FOXP4: variants seen among roughly 807,000 people sequenced by gnomAD.
FOXP4 encodes forkhead box P4.
In FOXP4, 25 loss-of-function variants were observed where a neutral mutation model predicts 82.6. That is an observed-to-expected ratio of 0.30 (90% CI 0.22 to 0.42). FOXP4 has a LOEUF of 0.42. Among genes scored for constraint, FOXP4 ranks in the 10% least tolerant of loss-of-function variants. The pLI, the probability that FOXP4 is intolerant of heterozygous loss-of-function variation, is 1.00. For missense variants in FOXP4, 785 were observed against 900.9 expected (o/e 0.87, Z 1.65); for synonymous variants, 415 against 388.2 (o/e 1.07, Z -0.81).
chr6:41,589,675 G>C (rs1009166166), intron 9 of FOXP4, 96 bp from the exon 10 acceptor site: 2 of 1,270,208 alleles, frequency 1.6e-6, no homozygotes, highest in African/African-American at 2.9e-5. Context: ...GGTGGGAATC[G>C]GCGGCCTTCT....
chr6:41,585,037 G>C (rs1766025497), intron 4 of FOXP4, 146 bp downstream of exon 4: 1 of 1,185,006 alleles, frequency 8.4e-7, no homozygotes, highest in South Asian at 1.7e-5. Flanking sequence ...CTCTAGGGTA[G>C]TGGGGAGAGG....
In FOXP4 at chr6:41,599,100, T is replaced by C. The variant is rs911755547; in HGVS notation, c.*164T>C. 3 of 951,960 alleles carry C rather than the reference T, an allele frequency of 3.2e-6. No homozygotes were observed. Among genetic ancestry groups the C allele is most frequent in the African/African-American group, 1.7e-5 (1 of 59,986 alleles). 59.0% of individuals were successfully genotyped at this position (951,960 alleles called of 1,614,324 possible). A position where few individuals can be genotyped will look rare whatever the true frequency, so the allele number is the denominator to read the frequency against. ...CCCAGTGTGACCTGACAAAAACACG[T>C]AGGGGCAGGGACGGTCCCCACCCCC... On this transcript the variant is annotated 3_prime_UTR_variant, in exon 17 of 17. Coordinates refer to ENST00000307972, the MANE Select transcript of FOXP4 (RefSeq NM_001012426.2).
Position 41,590,088 on chromosome 6 carries a change from T to C in FOXP4, c.1275T>C (p.Pro425=). The change falls in exon 11 of 17, where the codon CCT becomes CCC. Residue 425 remains proline, a synonymous_variant. Coordinates refer to ENST00000307972, the MANE Select transcript of FOXP4 (RefSeq NM_001012426.2). The part of the protein sequence containing the change: ...AAAPVTPLRP[P]GLGSASLHGG... ...CCCCTGTCACCCCTCTACGGCCCCC[T>C]GGCCTGGGCTCTGCCTCCCTGCATG... The C allele has an allele frequency of 6.2e-7, 1 of 1,613,730 alleles. No homozygotes were observed. The highest frequency in any genetic ancestry group is 8.5e-7 in the Non-Finnish European group (1 of 1,179,878).
chr6:41,584,993 A>T, intron 4 of FOXP4, 102 bp downstream of exon 4: 3 of 1,417,654 alleles, frequency 2.1e-6, no homozygotes, highest in East Asian at 5.0e-5. Flanking sequence ...CCCAGAAACC[A>T]GAGAGACTGC....
chr6:41,572,169 C>G (rs1581737369), intron 2 of FOXP4, among the ~76,000 whole-genome samples: 1 of 152,194 alleles, frequency 6.6e-6, no homozygotes, highest in Non-Finnish European at 1.5e-5. Flanking sequence ...CTTTTCAATT[C>G]ATAATGCACC....
At position 41,590,152 on chromosome 6, in the gene FOXP4, T is replaced by G. The variant is rs1450059558; in HGVS notation, c.1339T>G (p.Cys447Gly). Residue 447 changes from cysteine (C) to glycine (G), a missense_variant, in exon 11 of 17, where the codon TGC (cysteine) becomes GGC (glycine). By Grantham distance (159) the Cys-to-Gly change is radical (BLOSUM62 -3). Transcript: ENST00000307972. Reference protein sequence around the residue: ...PARRRSSDKFCSPISSELAQN... With the variant: ...PARRRSSDKFGSPISSELAQN... ...CCGTCGGAGAAGCAGTGACAAGTTC[T>G]GCTCCCCCATCTCCTCAGGTGAGGG... 1 of 1,607,302 alleles carries G rather than the reference T, an allele frequency of 6.2e-7. No homozygotes were observed. Among genetic ancestry groups the G allele is most frequent in the Admixed American group, 1.7e-5 (1 of 59,752 alleles).
intron 1 of FOXP4, among the ~76,000 whole-genome samples, chr6:41,549,565 G>A (rs574093811): frequency 6.6e-6 from 1 of 152,208 alleles, no homozygotes; most frequent in African/African-American, 2.4e-5. Flanking sequence ...GAGGGACTGG[G>A]AGAGGAAGGC....
chr6:41,594,674 C>T (rs1228627434), intron 13 of FOXP4, among the ~76,000 whole-genome samples, 196 bp from the exon 14 acceptor site: 2 of 152,142 alleles, frequency 1.3e-5, no homozygotes, highest in African/African-American at 4.8e-5. Flanking sequence ...GGCTGGGAAC[C>T]CCTGGCTCTA....
At chr6:41,598,729 C>A in intron 16 of FOXP4, 60 bp from the exon 17 acceptor site, 1 of 1,546,996 alleles carries the variant, frequency 6.5e-7, no homozygotes, top group Non-Finnish European at 8.7e-7. Context: ...GTTTGGGGGG[C>A]AGGGGGCAGA....
chr6:41,589,476 C>G (rs921968600), intron 9 of FOXP4, among the ~76,000 whole-genome samples: 3 of 152,224 alleles, frequency 2.0e-5, no homozygotes, highest in East Asian at 3.8e-4. Context: ...AGGAAGAAGC[C>G]TCCCAACATG....
intron 13 of FOXP4, among the ~76,000 whole-genome samples, chr6:41,594,249 T>C (rs938018570): frequency 1.1e-4 from 16 of 152,208 alleles, no homozygotes; most frequent in African/African-American, 3.9e-4. Flanking sequence ...ACCCACACTC[T>C]CCTCTCTCCC....
chr6:41,548,824 CTTTTT>C lies in FOXP4; in HGVS notation c.-17+1974_-17+1978del, dbSNP rs11326650. 2.4e-3 allele frequency among the ~76,000 whole-genome samples: 254 copies of C among 106,078 alleles called. 1 individual carries two copies. The highest frequency in any genetic ancestry group is 5.5e-3 in the African/African-American group (158 of 28,502). The allele number at this position is 106,078 out of a possible 152,430, so 69.6% of individuals were successfully genotyped here. A position where few individuals can be genotyped will look rare whatever the true frequency, so the allele number is the denominator to read the frequency against. On this transcript the variant is annotated intron_variant, in intron 1 of 16. Coordinates refer to ENST00000307972, the MANE Select transcript of FOXP4 (RefSeq NM_001012426.2). ...AACCGCTGTGGGGAAGTCTGAAGGC[CTTTTT>C]TTTTTTTTTTTTTTTTCAACTTGAG...
At chr6:41,561,037 C>T (rs1481065847) in intron 1 of FOXP4, among the ~76,000 whole-genome samples, 3 of 152,202 alleles carry the variant, frequency 2.0e-5, no homozygotes, top group African/African-American at 7.2e-5. Flanking sequence ...TCCCTCGTTG[C>T]GCACTCGCCC....
chr6:41,599,215 C>A lies in FOXP4; in HGVS notation c.*279C>A, dbSNP rs1319123268. On this transcript the variant is annotated 3_prime_UTR_variant, in exon 17 of 17. Coordinates refer to ENST00000307972, the MANE Select transcript of FOXP4 (RefSeq NM_001012426.2). ...CTCCCCACATCTGAAACTGCCTCCC[C>A]CCAACCACCAGCAGCAGCAGGGCCC... is the stretch of plus-strand genomic sequence containing the variant. The A allele has an allele frequency of 2.4e-5, 7 of 297,114 alleles. No individual in the cohort carries two copies. The highest frequency in any genetic ancestry group is 1.1e-4 in the African/African-American group (5 of 45,992). The allele number at this position is 297,114 out of a possible 1,614,324, so 18.4% of individuals were successfully genotyped here.
intron 5 of FOXP4, among the ~76,000 whole-genome samples, chr6:41,585,977 A>C: frequency 6.7e-6 from 1 of 149,988 alleles, no homozygotes; most frequent in Admixed American, 6.6e-5. Context: ...TGACTTGCCC[A>C]GCCACCCCTC....
intron 12 of FOXP4, among the ~76,000 whole-genome samples, chr6:41,590,569 G>C (rs144259507): frequency 6.1e-4 from 93 of 152,230 alleles, no homozygotes; most frequent in African/African-American, 2.1e-3. Context: ...TGCACACACT[G>C]TTCTTCTTAC....
intron 1 of FOXP4, among the ~76,000 whole-genome samples, chr6:41,563,841 C>T (rs1286282696): frequency 6.6e-6 from 1 of 152,192 alleles, no homozygotes; most frequent in East Asian, 1.9e-4. Context: ...ACAGTATTTG[C>T]AGTGTGCAGG....
intron 13 of FOXP4, among the ~76,000 whole-genome samples, chr6:41,594,562 GATT>G (rs1487576112): frequency 1.3e-5 from 2 of 152,208 alleles, no homozygotes; most frequent in Non-Finnish European, 2.9e-5. Context: ...TGATGAAACA[GATT>G]ATTACTAACT....
intron 1 of FOXP4, 69 bp from the exon 2 acceptor site, chr6:41,565,676 G>C: frequency 7.1e-7 from 1 of 1,402,640 alleles, no homozygotes; most frequent in Non-Finnish European, 9.7e-7. Context: ...ATGTTTTTGG[G>C]GGTCAGCAGT....
Sources: gnomAD v4.1 joint callset for allele counts (sites outside exome capture counted in the v4.1 genomes callset) on GRCh38, gnomAD v4.1.1 for gene constraint, MANE v1.5 for transcripts, NCBI Gene and HGNC (gene_info 2026-07-23, HGNC 2026-07-21) for gene names.